The following CNTNAP2 variants were observed in gnomAD, a reference collection of about 807,000 sequenced individuals.
CNTNAP2 encodes contactin associated protein 2.
A neutral mutation model predicts 155.2 loss-of-function variants in CNTNAP2; 98 were observed. The ratio of observed to expected loss-of-function variants is 0.63; its 90% CI spans 0.54 to 0.75. The LOEUF is 0.75. Ranked by LOEUF, CNTNAP2 falls within the 30% of genes least tolerant of loss-of-function variation. The pLI, the probability that CNTNAP2 is intolerant of heterozygous loss-of-function variation, is 0.00. For synonymous variants in CNTNAP2, 651 were observed against 631.2 expected (o/e 1.03, Z -0.47); for missense variants, 1,727 against 1,688.1 (o/e 1.02, Z -0.40).
At chr7:147,695,532 G>A (rs922235734) in intron 13 of CNTNAP2, among the ~76,000 whole-genome samples, 6 of 152,214 alleles carry the variant, frequency 3.9e-5, no homozygotes, top group African/African-American at 1.2e-4. Context: ...CGGCACCGTG[G>A]CTCATGCCTG....
chr7:148,114,967 A>G (rs1804434663), intron 15 of CNTNAP2, among the ~76,000 whole-genome samples: 1 of 152,210 alleles, frequency 6.6e-6, no homozygotes. Flanking sequence ...GTTGCTTCTG[A>G]AGAATCTGGA....
In CNTNAP2 at chr7:146,603,285, G is replaced by A. The variant is rs1381517075; in HGVS notation, c.98-170986G>A. Among the ~76,000 whole-genome samples the A allele has an allele frequency of 3.3e-5, 5 of 150,792 alleles. 1 individual carries two copies. Among genetic ancestry groups the A allele is most frequent in the East Asian group, 2.0e-4 (1 of 5,096 alleles). ...ACATTAGCCGGGCGTGGTGGCGGGC[G>A]CCTGTAGTCCCAGCTACTCGAAAGG... On this transcript the variant is annotated intron_variant, in intron 1 of 23. Transcript: ENST00000361727.
chr7:148,314,395 G>A (rs1399791277), intron 21 of CNTNAP2, among the ~76,000 whole-genome samples: 3 of 152,208 alleles, frequency 2.0e-5, no homozygotes, highest in Non-Finnish European at 4.4e-5. Context: ...TGGAACCACT[G>A]TCAAGTTTGT....
At chr7:146,226,965 T>C (rs961498512) in intron 1 of CNTNAP2, among the ~76,000 whole-genome samples, 1 of 152,194 alleles carries the variant, frequency 6.6e-6, no homozygotes, top group Non-Finnish European at 1.5e-5. Context: ...ATCCATTGAC[T>C]CTCAAATATT....
intron 1 of CNTNAP2, among the ~76,000 whole-genome samples, chr7:146,648,203 T>A (rs939352903): frequency 3.9e-5 from 6 of 152,160 alleles, no homozygotes; most frequent in Non-Finnish European, 7.4e-5. Context: ...ATAAGGTAGA[T>A]GTTGTGTTTT....
At chr7:146,672,007 G>T (rs980668836) in intron 1 of CNTNAP2, among the ~76,000 whole-genome samples, 2 of 151,802 alleles carry the variant, frequency 1.3e-5, no homozygotes, top group African/African-American at 4.8e-5. Flanking sequence ...GTAGAGACGG[G>T]GTTTCACCAT....
Position 147,369,312 on chromosome 7 carries a change from A to G in CNTNAP2, c.1499-26297A>G, listed in dbSNP as rs115292243. ...TTCAAACTGACCATGTCCAGAACCAAACTCATTCTCTGTCTCCCCCAAGCT... is the reference window on the plus strand; with the variant it reads ...TTCAAACTGACCATGTCCAGAACCAGACTCATTCTCTGTCTCCCCCAAGCT... On this transcript the variant is annotated intron_variant, in intron 9 of 23. Coordinates refer to ENST00000361727, the MANE Select transcript of CNTNAP2 (RefSeq NM_014141.6). Among the ~76,000 whole-genome samples, 541 of 152,286 alleles carry G rather than the reference A, an allele frequency of 3.6e-3. 6 individuals carry two copies. The highest frequency in any genetic ancestry group is 0.011 in the African/African-American group (465 of 41,560).
intron 12 of CNTNAP2, among the ~76,000 whole-genome samples, chr7:147,579,813 A>C (rs1800465133): frequency 3.3e-5 from 5 of 152,170 alleles, no homozygotes; most frequent in Admixed American, 3.3e-4. Flanking sequence ...GCAATATCAT[A>C]TGAAATGATA....
intron 3 of CNTNAP2, among the ~76,000 whole-genome samples, chr7:146,907,718 G>A (rs955078327): frequency 1.5e-4 from 22 of 149,834 alleles, no homozygotes; most frequent in Non-Finnish European, 2.5e-4. Flanking sequence ...AAAGACCATC[G>A]AGACTAGGAA....
At chr7:147,005,571 A>C (rs1798510273) in intron 3 of CNTNAP2, among the ~76,000 whole-genome samples, 1 of 152,016 alleles carries the variant, frequency 6.6e-6, no homozygotes, top group African/African-American at 2.4e-5. Flanking sequence ...CCTAAATACC[A>C]CCTTCAACTG....
intron 4 of CNTNAP2, among the ~76,000 whole-genome samples, chr7:147,072,507 C>T (rs1018153226): frequency 6.6e-6 from 1 of 152,172 alleles, no homozygotes. Flanking sequence ...GACTTGGTAA[C>T]ACCTGTCACA....
rs548361571 is a variant in CNTNAP2 at position 146,307,397 on chromosome 7, A to G, written c.97+190424A>G. On this transcript the variant is annotated intron_variant, in intron 1 of 23. Coordinates refer to ENST00000361727, the MANE Select transcript of CNTNAP2 (RefSeq NM_014141.6). ...AAGAATCAATATTGTGAAAATTGCC[A>G]TACTGCCCAAGGTAATTTATAGATT... Among the ~76,000 whole-genome samples, 15 of 152,286 alleles carry G rather than the reference A, an allele frequency of 9.8e-5. No homozygotes were observed. The South Asian group carries it at 2.9e-3, about 29-fold the overall frequency.
chr7:146,735,546 C>T (rs1484981068), intron 1 of CNTNAP2, among the ~76,000 whole-genome samples: 1 of 152,044 alleles, frequency 6.6e-6, no homozygotes, highest in African/African-American at 2.4e-5. Flanking sequence ...CAGAGCAAGA[C>T]TCTGTCTCAA....
intron 8 of CNTNAP2, among the ~76,000 whole-genome samples, chr7:147,177,446 TCTGAGGCCTCCCCAGCC>T (rs1038052216): frequency 7.4e-4 from 112 of 152,230 alleles, no homozygotes; most frequent in African/African-American, 2.5e-3. Context: ...TTCTAAGTTT[TCTGAGGCCTCCCCAGCC>T]ATGCAGAACT....
intron 21 of CNTNAP2, among the ~76,000 whole-genome samples, chr7:148,366,608 C>T (rs113434579): frequency 4.6e-5 from 7 of 152,288 alleles, no homozygotes; most frequent in East Asian, 3.9e-4. Context: ...GATAGCATCA[C>T]GGCTAAAGAA....
chr7:147,670,064 G>A (rs1234323293), intron 13 of CNTNAP2, among the ~76,000 whole-genome samples: 1 of 152,100 alleles, frequency 6.6e-6, no homozygotes, highest in East Asian at 1.9e-4. Context: ...TGAAACTTTT[G>A]TTATTAATAG....
At chr7:147,345,941 C>G (rs1795848447) in intron 9 of CNTNAP2, among the ~76,000 whole-genome samples, 1 of 152,030 alleles carries the variant, frequency 6.6e-6, no homozygotes, top group Non-Finnish European at 1.5e-5. Flanking sequence ...TATGCTTAAG[C>G]TCAAGCTTAA....
At chr7:146,119,569 G>A (rs1189630337) in intron 1 of CNTNAP2, among the ~76,000 whole-genome samples, 1 of 152,060 alleles carries the variant, frequency 6.6e-6, no homozygotes, top group African/African-American at 2.4e-5. Context: ...GGACACACGT[G>A]GGAAGTTTAA....
At chr7:147,910,816 A>G (rs116878048) in intron 14 of CNTNAP2, among the ~76,000 whole-genome samples, 4,981 of 152,206 alleles carry the variant, frequency 0.033, 132 homozygotes, top group Non-Finnish European at 0.053. Context: ...CGCCCTTAAC[A>G]TGTGGGGATT....
Sources: allele counts gnomAD v4.1 joint callset (sites outside exome capture counted in the v4.1 genomes callset), GRCh38; gene constraint gnomAD v4.1.1; transcripts MANE v1.5; gene names NCBI Gene and HGNC (gene_info 2026-07-23, HGNC 2026-07-21).